Variants in ITPR2 observed in about 807,000 individuals in gnomAD.
ITPR2 encodes the protein inositol 1,4,5-trisphosphate-gated calcium channel ITPR2.
Under a neutral mutation model 317.1 loss-of-function variants are expected in ITPR2, and 207 were observed. The observed-to-expected ratio is 0.65, with a 90% confidence interval of 0.58 to 0.73. The LOEUF is 0.73. ITPR2 is among the 30% of genes least tolerant of loss of function. The pLI, the probability that ITPR2 is intolerant of heterozygous loss-of-function variation, is 0.00. For missense variants in ITPR2, 2,613 were observed against 3,284.0 expected (o/e 0.80, Z 4.99); for synonymous variants, 1,156 against 1,149.1 (o/e 1.01, Z -0.12).
intron 11 of ITPR2, among the ~76,000 whole-genome samples, chr12:26,685,175 A>G (rs1391653221): frequency 6.6e-6 from 1 of 152,158 alleles, no homozygotes; most frequent in Non-Finnish European, 1.5e-5. Flanking sequence ...CTGCTCCATC[A>G]AGGCCAATTT....
At chr12:26,730,494 AAAGGTTTATCTC>A (rs1351832234) in intron 2 of ITPR2, among the ~76,000 whole-genome samples, 3 of 152,242 alleles carry the variant, frequency 2.0e-5, no homozygotes, top group African/African-American at 7.2e-5. Context: ...TAAAAAAAGG[AAAGGTTTATCTC>A]ATAGAGCGAG....
At chr12:26,523,389 T>C (rs931114056) in intron 37 of ITPR2, among the ~76,000 whole-genome samples, 2 of 152,236 alleles carry the variant, frequency 1.3e-5, no homozygotes, top group South Asian at 4.1e-4. Context: ...TTTGACACTT[T>C]TTCTCGCTAA....
intron 55 of ITPR2, among the ~76,000 whole-genome samples, chr12:26,370,111 A>G (rs576708568): frequency 2.6e-5 from 4 of 152,324 alleles, no homozygotes; most frequent in African/African-American, 9.6e-5. Flanking sequence ...TGTAATGGCA[A>G]GTACTGTGCT....
At chr12:26,664,728 A>G (rs911090388) in intron 14 of ITPR2, among the ~76,000 whole-genome samples, 1 of 152,144 alleles carries the variant, frequency 6.6e-6, no homozygotes, top group Non-Finnish European at 1.5e-5. Flanking sequence ...AATATTTGAC[A>G]TATGTTGGTT....
At chr12:26,571,288 C>A (rs558004809) in intron 34 of ITPR2, among the ~76,000 whole-genome samples, 1 of 152,242 alleles carries the variant, frequency 6.6e-6, no homozygotes, top group East Asian at 1.9e-4. Context: ...AAAAATTCGA[C>A]ATGACATAGT....
chr12:26,519,214 C>T (rs1403573042), intron 37 of ITPR2, among the ~76,000 whole-genome samples: 2 of 152,120 alleles, frequency 1.3e-5, no homozygotes, highest in Admixed American at 1.3e-4. Context: ...TAGTAATCAA[C>T]AATAAATAAA....
chr12:26,405,769 C>T (rs1591995205), intron 52 of ITPR2, among the ~76,000 whole-genome samples: 1 of 152,258 alleles, frequency 6.6e-6, no homozygotes, highest in East Asian at 1.9e-4. Context: ...ACCAGCCTGG[C>T]CAACATGGTG....
chr12:26,342,173 GA>G lies in ITPR2; in HGVS notation c.7858-1846del, dbSNP rs1216110008. 2.0e-5 allele frequency among the ~76,000 whole-genome samples: 3 copies of G among 152,220 alleles called. No individual in the cohort carries two copies. The East Asian group carries it at 5.8e-4, about 29-fold the overall frequency. ...TGTGTCTCTCTGGGATGAGCATCAG[GA>G]AGATCAAGGTTTAAGGGAGCTGGGA... On this transcript the variant is annotated intron_variant, in intron 55 of 56. Coordinates refer to ENST00000381340, the MANE Select transcript of ITPR2 (RefSeq NM_002223.4).
At chr12:26,341,676 G>A (rs1466258751) in intron 55 of ITPR2, among the ~76,000 whole-genome samples, 1 of 152,248 alleles carries the variant, frequency 6.6e-6, no homozygotes, top group African/African-American at 2.4e-5. Flanking sequence ...TTACTCTAAA[G>A]TGCAGAGTGA....
intron 1 of ITPR2, among the ~76,000 whole-genome samples, chr12:26,822,738 AG>A (rs1189438933): frequency 6.6e-6 from 1 of 152,242 alleles, no homozygotes. Flanking sequence ...TGGGCTTTAT[AG>A]TACTAGCCTC....
chr12:26,504,274 G>T (rs1438897046), intron 37 of ITPR2, among the ~76,000 whole-genome samples: 1 of 152,178 alleles, frequency 6.6e-6, no homozygotes, highest in East Asian at 1.9e-4. Context: ...GAAAGGCTGT[G>T]CTTCCTAACA....
chr12:26,798,161 C>T (rs1190139875), intron 1 of ITPR2, among the ~76,000 whole-genome samples: 1 of 152,160 alleles, frequency 6.6e-6, no homozygotes, highest in Non-Finnish European at 1.5e-5. Flanking sequence ...CCCCACAACC[C>T]TGGCACGTCA....
chr12:26,407,107 C>T (rs1303415033), intron 52 of ITPR2, among the ~76,000 whole-genome samples: 1 of 152,166 alleles, frequency 6.6e-6, no homozygotes. Flanking sequence ...CCTCTTCCCC[C>T]AACTCCTAGC....
intron 1 of ITPR2, among the ~76,000 whole-genome samples, chr12:26,823,955 ACTT>A (rs1485725665): frequency 6.6e-6 from 1 of 152,236 alleles, no homozygotes; most frequent in Non-Finnish European, 1.5e-5. Flanking sequence ...TAAAATGCAT[ACTT>A]CTTAACATGT....
At chr12:26,793,054 C>T (rs61920588) in intron 1 of ITPR2, among the ~76,000 whole-genome samples, 24,602 of 152,148 alleles carry the variant, frequency 0.16, 2,721 homozygotes, top group Non-Finnish European at 0.24. Flanking sequence ...GTTAAGGTTC[C>T]CCTCTGACTT....
rs79955922 is a variant in ITPR2, at chr12:26,457,098, G to C, written c.6343-13448C>G. 2.6e-5 allele frequency among the ~76,000 whole-genome samples: 4 copies of C among 152,306 alleles called. No individual in the cohort carries two copies. The East Asian group carries it at 7.7e-4, about 29-fold the overall frequency. On this transcript the variant is annotated intron_variant, in intron 45 of 56. Transcript: ENST00000381340. ...CCCTCCTAGAGCTGACTTTCTGTTGGTGGAGGAGACATAAACAAATATATC... is the reference window on the plus strand; with the variant it reads ...CCCTCCTAGAGCTGACTTTCTGTTGCTGGAGGAGACATAAACAAATATATC...
intron 45 of ITPR2, among the ~76,000 whole-genome samples, chr12:26,455,434 G>A (rs1941859565): frequency 6.7e-6 from 1 of 149,114 alleles, no homozygotes; most frequent in Admixed American, 6.7e-5. Context: ...AATGAACTGT[G>A]TTTCAAAGGC....
intron 2 of ITPR2, among the ~76,000 whole-genome samples, chr12:26,789,660 G>A (rs964129309): frequency 3.3e-5 from 5 of 152,076 alleles, no homozygotes; most frequent in Non-Finnish European, 7.4e-5. Context: ...TTTCTCATTT[G>A]AGGAAATTAT....
intron 55 of ITPR2, among the ~76,000 whole-genome samples, chr12:26,370,990 A>G (rs7301846): frequency 0.2 from 30,258 of 152,124 alleles, 3,109 homozygotes; most frequent in Middle Eastern, 0.24. Context: ...AGTCTTATGT[A>G]TGATTTCCAA....
Sources: gnomAD v4.1 joint callset for allele counts (sites outside exome capture counted in the v4.1 genomes callset) on GRCh38, gnomAD v4.1.1 for gene constraint, MANE v1.5 for transcripts, NCBI Gene and HGNC (gene_info 2026-07-23, HGNC 2026-07-21) for gene names.